The following TENM3 variants were observed in gnomAD, a reference collection of about 807,000 sequenced individuals.
The protein encoded by TENM3 is teneurin-3.
A neutral mutation model predicts 255.1 loss-of-function variants in TENM3; 63 were observed. That is an observed-to-expected ratio of 0.25 (90% confidence interval 0.20 to 0.30). TENM3 has a LOEUF of 0.30. TENM3 is among the 10% of genes least tolerant of loss of function. The probability of loss-of-function intolerance (pLI) is 1.00; values close to 1 mark genes in which losing one functional copy is unlikely to be tolerated. For synonymous variants in TENM3, 1,306 were observed against 1,322.3 expected (o/e 0.99, Z 0.27); for missense variants, 2,929 against 3,461.1 (o/e 0.85, Z 3.86).
At chr4:182,487,230 C>T (rs908558629) in intron 3 of TENM3, among the ~76,000 whole-genome samples, 4 of 152,052 alleles carry the variant, frequency 2.6e-5, no homozygotes, top group Non-Finnish European at 5.9e-5. Context: ...GTTTTATGTT[C>T]CTCTTATCTG....
intron 11 of TENM3, among the ~76,000 whole-genome samples, chr4:182,686,130 A>G (rs1004814714): frequency 6.6e-5 from 10 of 152,030 alleles, no homozygotes; most frequent in African/African-American, 1.9e-4. Context: ...GATATCCTCA[A>G]TGCAAAAAAG....
the TENM3 span, among the ~76,000 whole-genome samples, chr4:181,558,524 T>A: frequency 6.6e-6 from 1 of 152,244 alleles, no homozygotes; most frequent in Non-Finnish European, 1.5e-5. Context: ...AATACTCCCT[T>A]TCACAAACCA....
chr4:182,449,436 T>C (rs965270160), intron 3 of TENM3, among the ~76,000 whole-genome samples: 2 of 143,596 alleles, frequency 1.4e-5, no homozygotes, highest in Admixed American at 7.2e-5. Flanking sequence ...GAGAATGGAG[T>C]CTTTTGTTCC....
the TENM3 span, among the ~76,000 whole-genome samples, chr4:181,931,780 C>G: frequency 6.6e-6 from 1 of 152,142 alleles, no homozygotes; most frequent in Non-Finnish European, 1.5e-5. Flanking sequence ...TACAAGACTA[C>G]AGTAACCAAA....
chr4:181,978,645 C>CAAAA, the TENM3 span, among the ~76,000 whole-genome samples: 2 of 73,002 alleles, frequency 2.7e-5, no homozygotes, highest in Non-Finnish European at 5.6e-5. Context: ...GAGTCCATCT[C>CAAAA]AAAAAAAAAA....
intron 3 of TENM3, among the ~76,000 whole-genome samples, chr4:182,558,019 T>C (rs1742748543): frequency 6.6e-6 from 1 of 152,198 alleles, no homozygotes; most frequent in South Asian, 2.1e-4. Flanking sequence ...GCCCGATACC[T>C]TCTGCTTTCA....
chr4:182,641,349 A>G (rs536699690), intron 5 of TENM3, among the ~76,000 whole-genome samples: 10 of 152,318 alleles, frequency 6.6e-5, no homozygotes, highest in African/African-American at 2.2e-4. Flanking sequence ...CCATATTTCA[A>G]TAGTTGGATC....
the TENM3 span, among the ~76,000 whole-genome samples, chr4:182,026,818 A>G: frequency 6.6e-6 from 1 of 152,142 alleles, no homozygotes; most frequent in South Asian, 2.1e-4. Context: ...CATTTGATCA[A>G]TGTGTCTGTT....
chr4:181,797,194 C>T, the TENM3 span, among the ~76,000 whole-genome samples: 1 of 151,056 alleles, frequency 6.6e-6, no homozygotes, highest in Non-Finnish European at 1.5e-5. Context: ...CCCTTCCTCT[C>T]AATCCTAAAA....
At chr4:182,499,296 G>A (rs28422128) in intron 3 of TENM3, among the ~76,000 whole-genome samples, 43,083 of 152,152 alleles carry the variant, frequency 0.28, 7,043 homozygotes, top group South Asian at 0.37. Context: ...AATTGCAAAA[G>A]ATACCTGAAC....
chr4:182,094,741 A>G, the TENM3 span, among the ~76,000 whole-genome samples: 1 of 152,190 alleles, frequency 6.6e-6, no homozygotes, highest in Non-Finnish European at 1.5e-5. Context: ...CTATTTCAAA[A>G]CAACCTAAGA....
At chr4:181,609,081 G>A in the TENM3 span, among the ~76,000 whole-genome samples, 2 of 152,068 alleles carry the variant, frequency 1.3e-5, no homozygotes, top group Non-Finnish European at 2.9e-5. Flanking sequence ...AGGAAGACAG[G>A]AAAGGAGAAA....
At chr4:181,624,574 A>G in the TENM3 span, among the ~76,000 whole-genome samples, 2 of 152,222 alleles carry the variant, frequency 1.3e-5, no homozygotes, top group Admixed American at 6.5e-5. Flanking sequence ...GATCATTATT[A>G]TGAAAGAAGC....
chr4:181,690,798 A>T, the TENM3 span, among the ~76,000 whole-genome samples: 1 of 152,216 alleles, frequency 6.6e-6, no homozygotes, highest in Non-Finnish European at 1.5e-5. Flanking sequence ...AGTTATAGGT[A>T]TAAATGATAA....
chr4:182,324,234 G>C lies in TENM3; in HGVS notation c.214G>C (p.Asp72His). ...RVKDLVHREA[D>H]EFTRQGQNFT... The stretch of plus-strand genomic sequence containing the variant: ...GAAGGATTTGGTTCACAGAGAAGCA[G>C]ACGAGTTCACTAGACAAGGTGGGTA... Residue 72 changes from aspartate to histidine, a missense_variant, in exon 2 of 28, where the codon GAC (aspartate) becomes CAC (histidine). Asp to His is a moderately conservative substitution (Grantham distance 81, BLOSUM62 -1). This residue lies in a region of TENM3 where 283 missense variants were observed against 256.9 expected (regional missense o/e 1.10). Transcript: ENST00000511685. 6.2e-7 allele frequency: 1 copy of C among 1,613,656 alleles called. No homozygotes were observed. The highest frequency in any genetic ancestry group is 1.1e-5 in the South Asian group (1 of 91,062).
At chr4:182,779,354 C>A (rs1764981892) in intron 24 of TENM3, among the ~76,000 whole-genome samples, 1 of 151,984 alleles carries the variant, frequency 6.6e-6, no homozygotes, top group Admixed American at 6.6e-5. Context: ...TGATGTTTTC[C>A]AATTTCATCC....
At chr4:181,902,380 T>A in the TENM3 span, among the ~76,000 whole-genome samples, 1 of 152,182 alleles carries the variant, frequency 6.6e-6, no homozygotes, top group Non-Finnish European at 1.5e-5. Flanking sequence ...TTTGTCAATT[T>A]TGGCTTTTGT....
chr4:181,856,793 C>T, the TENM3 span, among the ~76,000 whole-genome samples: 4 of 152,228 alleles, frequency 2.6e-5, no homozygotes, highest in East Asian at 7.7e-4. Context: ...TCTGTACACA[C>T]CAGAGGAGGT....
At chr4:181,768,987 T>C in the TENM3 span, among the ~76,000 whole-genome samples, 1 of 152,216 alleles carries the variant, frequency 6.6e-6, no homozygotes, top group African/African-American at 2.4e-5. Context: ...TGACCTTCAT[T>C]GAAACTTAGT....
Sources: gnomAD v4.1 joint callset for allele counts (sites outside exome capture counted in the v4.1 genomes callset) on GRCh38, gnomAD v4.1.1 for gene constraint, gnomAD v4.1.1 regional missense constraint, MANE v1.5 for transcripts, NCBI Gene and HGNC (gene_info 2026-07-23, HGNC 2026-07-21) for gene names.